AKAP9: variants seen among roughly 807,000 people sequenced by gnomAD.
AKAP9 encodes the protein A-kinase anchor protein 9.
AKAP9 carries 311 observed loss-of-function variants against 488.5 expected under a neutral mutation model. The ratio of observed to expected loss-of-function variants is 0.64; its 90% CI spans 0.58 to 0.70. The LOEUF (loss-of-function observed/expected upper bound fraction) is 0.70. Ranked by LOEUF, AKAP9 falls within the 30% of genes least tolerant of loss-of-function variation. The pLI, the probability that AKAP9 is intolerant of heterozygous loss-of-function variation, is 0.00. For synonymous variants in AKAP9, 1,462 were observed against 1,483.5 expected, an observed-to-expected ratio of 0.99 and a Z score of 0.33; for missense variants, 4,215 against 4,374.5, an observed-to-expected ratio of 0.96 and a Z score of 1.03.
chr7:92,050,363 G>A (rs998681072), intron 21 of AKAP9, among the ~76,000 whole-genome samples: 1 of 152,140 alleles, frequency 6.6e-6, no homozygotes, highest in East Asian at 1.9e-4. Flanking sequence ...CCAAAGTGCT[G>A]GGATTACAGG....
rs1347290152 is a variant in AKAP9 at position 92,101,076 on chromosome 7, T to G, written c.11097+20T>G. ...TTAAAGGTAGGAGACATCTCCCATC[T>G]AAACATCACAGCTGGTTCTATGTTT... On this transcript the variant is annotated intron_variant, in intron 45 of 49. Transcript: ENST00000356239. 3.7e-6 allele frequency: 6 copies of G among 1,608,010 alleles called. No individual in the cohort carries two copies. In the South Asian group the frequency reaches 5.5e-5, roughly 15 times the overall value.
At chr7:92,098,901 G>T (rs563079725) in intron 43 of AKAP9, among the ~76,000 whole-genome samples, 2 of 152,232 alleles carry the variant, frequency 1.3e-5, no homozygotes, top group African/African-American at 4.8e-5. Flanking sequence ...GTGGACTGTG[G>T]TTCTAGTCTA....
chr7:92,094,112 A>G (rs930468749), intron 39 of AKAP9, among the ~76,000 whole-genome samples: 1 of 152,010 alleles, frequency 6.6e-6, no homozygotes, highest in Non-Finnish European at 1.5e-5. Flanking sequence ...CGGCCTCCCA[A>G]AGTGCCGGGA....
chr7:92,006,130 A>G (rs1478488767), intron 8 of AKAP9, among the ~76,000 whole-genome samples: 3 of 151,932 alleles, frequency 2.0e-5, no homozygotes, highest in African/African-American at 7.2e-5. Context: ...AAATTTTCTT[A>G]TTAGGAATTC....
intron 21 of AKAP9, among the ~76,000 whole-genome samples, chr7:92,051,676 T>C (rs1808003628): frequency 6.6e-6 from 1 of 152,200 alleles, no homozygotes; most frequent in African/African-American, 2.4e-5. Flanking sequence ...CCAGCTACTT[T>C]AGCAAGACAA....
Position 92,001,139 on chromosome 7 carries a change from A to C in AKAP9, c.1222A>C (p.Asn408His). Residue 408 changes from asparagine to histidine, a missense_variant, in exon 8 of 50, where the codon AAT (asparagine) becomes CAT (histidine). Coordinates refer to ENST00000356239, the MANE Select transcript of AKAP9 (RefSeq NM_005751.5). ...GACAGTCGAAGAACTTCAGAAGAGA[A>C]ATCATAAAGACAGCCAGTTCGAAAC... ...MGTVEELQKR[N>H]HKDSQFETDI... The C allele has an allele frequency of 6.2e-7, 1 of 1,614,072 alleles. No homozygotes were observed. Among genetic ancestry groups the C allele is most frequent in the Non-Finnish European group, 8.5e-7 (1 of 1,179,966 alleles).
intron 22 of AKAP9, chr7:92,058,105 AC>A (rs1809114563): frequency 7.6e-6 from 4 of 524,646 alleles, no homozygotes; most frequent in Non-Finnish European, 1.1e-5. Context: ...ACTAAAAAGA[AC>A]TTTTTAATGT....
intron 1 of AKAP9, among the ~76,000 whole-genome samples, chr7:91,963,500 A>G (rs1311377437): frequency 6.8e-6 from 1 of 146,838 alleles, no homozygotes; most frequent in African/African-American, 2.7e-5. Flanking sequence ...ACACACACAC[A>G]CACACACACA....
chr7:92,042,422 T>C (rs889958632), intron 19 of AKAP9, among the ~76,000 whole-genome samples: 2 of 152,236 alleles, frequency 1.3e-5, no homozygotes, highest in African/African-American at 2.4e-5. Context: ...TAACAAACTT[T>C]ATTGTTGCAC....
chr7:91,960,914 C>T (rs1172357455), intron 1 of AKAP9, among the ~76,000 whole-genome samples: 1 of 152,156 alleles, frequency 6.6e-6, no homozygotes. Context: ...TCCCATACCA[C>T]CTCCTTAAAT....
chr7:91,971,982 C>CTTTTTTTTTTTTTT (rs71107846), intron 1 of AKAP9, among the ~76,000 whole-genome samples: 1 of 91,888 alleles, frequency 1.1e-5, no homozygotes, highest in Non-Finnish European at 2.0e-5. Flanking sequence ...TTTTGCCTCT[C>CTTTTTTTTTTTTTT]TTTTTTTTTT....
intron 21 of AKAP9, among the ~76,000 whole-genome samples, chr7:92,049,923 C>T (rs1238394562): frequency 1.3e-5 from 2 of 152,136 alleles, no homozygotes; most frequent in East Asian, 1.9e-4. Context: ...CCATCTAATA[C>T]ACCATACCTT....
chr7:92,001,492 T>G lies in AKAP9; in HGVS notation c.1575T>G (p.Ala525=), dbSNP rs374455304. The change falls in exon 8 of 50, where the codon GCT becomes GCG. Residue 525 remains alanine (A), a synonymous_variant. Coordinates refer to ENST00000356239, the MANE Select transcript of AKAP9 (RefSeq NM_005751.5). ...ELGLILEEKC[A]LQRQLEDLVE... is the part of the protein sequence containing the mutation. ...GACTAATTTTAGAAGAAAAGTGTGC[T>G]CTACAGAGACAGCTTGAAGACCTTG... The G allele has an allele frequency of 6.2e-7, 1 of 1,613,822 alleles. No homozygotes were observed. The highest frequency in any genetic ancestry group is 1.7e-5 in the Admixed American group (1 of 59,990).
At chr7:92,062,510 G>T (rs750656050) in intron 24 of AKAP9, 24 bp downstream of exon 24, 3 of 1,594,266 alleles carry the variant, frequency 1.9e-6, no homozygotes, top group African/African-American at 2.7e-5. Context: ...GAATTTGTAT[G>T]AAACAGTCCT....
At chr7:91,960,133 C>T (rs1309906163) in intron 1 of AKAP9, among the ~76,000 whole-genome samples, 2 of 152,152 alleles carry the variant, frequency 1.3e-5, no homozygotes, top group Admixed American at 1.3e-4. Context: ...ATTGGTATTT[C>T]TTAGCTTTTC....
At chr7:92,023,127 A>G in intron 14 of AKAP9, 118 bp downstream of exon 14, 2 of 1,031,282 alleles carry the variant, frequency 1.9e-6, no homozygotes, top group South Asian at 2.6e-5. Flanking sequence ...AAGAGATAGG[A>G]TGTAGCATTT....
Position 92,042,059 on chromosome 7 carries a change from A to C in AKAP9, c.4931A>C (p.Asp1644Ala). 6.2e-7 allele frequency: 1 copy of C among 1,613,816 alleles called. No individual in the cohort carries two copies. The highest frequency in any genetic ancestry group is 1.1e-5 in the South Asian group (1 of 91,064). ...TTTCTTATTTAGAGATCCTCCATAG[A>C]TAATGAAAACCTGGTTTCAGAGAGA... ...NRQLAQRSSI[D>A]NENLVSERER... Residue 1644 changes from aspartate (D) to alanine (A), a missense_variant, in exon 19 of 50, where the codon GAT (aspartate) becomes GCT (alanine). This residue lies in a region of AKAP9 where 2,361 missense variants were observed against 2,430.0 expected (regional missense o/e 0.97). Coordinates refer to ENST00000356239, the MANE Select transcript of AKAP9 (RefSeq NM_005751.5).
intron 8 of AKAP9, 53 bp downstream of exon 8, chr7:92,003,288 C>G: frequency 7.4e-7 from 1 of 1,359,382 alleles, no homozygotes; most frequent in East Asian, 2.3e-5. Context: ...ATGTACATTT[C>G]ACACTAAGGT....
chr7:92,088,074 A>G (rs1814912312), intron 37 of AKAP9, among the ~76,000 whole-genome samples: 1 of 152,120 alleles, frequency 6.6e-6, no homozygotes. Context: ...TTAAGAAAGT[A>G]TATTTACATA....
Sources: gnomAD v4.1 joint callset for allele counts (sites outside exome capture counted in the v4.1 genomes callset) on GRCh38, gnomAD v4.1.1 for gene constraint, gnomAD v4.1.1 regional missense constraint, MANE v1.5 for transcripts, NCBI Gene and HGNC (gene_info 2026-07-23, HGNC 2026-07-21) for gene names.